The following UGT1A10 variants were observed in gnomAD, a reference collection of about 807,000 sequenced individuals.
The protein encoded by UGT1A10 is UDP glucuronosyltransferase family 1 member A10.
Under a neutral mutation model 45.8 loss-of-function variants are expected in UGT1A10, and 49 were observed. The observed-to-expected ratio is 1.07, with a 90% CI of 0.85 to 1.36. The LOEUF is 1.36. Among genes scored for constraint, UGT1A10 ranks in the 40% most tolerant of loss-of-function variants. UGT1A10 has a pLI of 0.00. For missense variants in UGT1A10, 745 were observed against 668.6 expected (o/e 1.11, Z -1.26); for synonymous variants, 284 against 249.7 (o/e 1.14, Z -1.29).
intron 1 of UGT1A10, among the ~76,000 whole-genome samples, chr2:233,758,456 A>T (rs1329200911): frequency 2.0e-5 from 3 of 152,254 alleles, no homozygotes; most frequent in Non-Finnish European, 4.4e-5. Flanking sequence ...TGGAAGAATT[A>T]TCACCCTTAA....
At chr2:233,647,145 G>A (rs1338859671) in intron 1 of UGT1A10, among the ~76,000 whole-genome samples, 4 of 152,124 alleles carry the variant, frequency 2.6e-5, no homozygotes, top group East Asian at 1.9e-4. Context: ...TTACTACTAT[G>A]AGAACATCAC....
chr2:233,667,171 G>A (rs1439181402), intron 1 of UGT1A10, among the ~76,000 whole-genome samples: 7 of 152,130 alleles, frequency 4.6e-5, no homozygotes, highest in Non-Finnish European at 1.5e-5. Flanking sequence ...ACCCAGTAAT[G>A]GGATGGCTGG....
chr2:233,726,329 A>T (rs1355018721), intron 1 of UGT1A10, among the ~76,000 whole-genome samples: 1 of 152,172 alleles, frequency 6.6e-6, no homozygotes, highest in Non-Finnish European at 1.5e-5. Flanking sequence ...GAGTTTCAGC[A>T]CCTGTGGTTT....
chr2:233,664,423 C>T (rs1052565885), intron 1 of UGT1A10, among the ~76,000 whole-genome samples: 5 of 152,136 alleles, frequency 3.3e-5, no homozygotes, highest in Admixed American at 6.6e-5. Context: ...CCCTTCATTA[C>T]GTTGCCATAA....
At chr2:233,691,213 A>C in intron 1 of UGT1A10, 1 of 985,584 alleles carries the variant, frequency 1.0e-6, no homozygotes, top group Non-Finnish European at 1.2e-6. Context: ...TTCCCTTTGC[A>C]ACCTTCCTGG....
At chr2:233,712,952 A>G (rs1036580894) in intron 1 of UGT1A10, 10 of 1,612,796 alleles carry the variant, frequency 6.2e-6, no homozygotes, top group Non-Finnish European at 7.6e-6. Flanking sequence ...AGGAGGCACA[A>G]CGTGGGGTGG....
chr2:233,652,195 T>C (rs969472538), intron 1 of UGT1A10, among the ~76,000 whole-genome samples: 11 of 152,166 alleles, frequency 7.2e-5, no homozygotes, highest in African/African-American at 2.7e-4. Context: ...TCTGGTTCCA[T>C]TGTGAGATTC....
chr2:233,702,649 G>C (rs2075698422), intron 1 of UGT1A10, among the ~76,000 whole-genome samples: 1 of 152,092 alleles, frequency 6.6e-6, no homozygotes, highest in African/African-American at 2.4e-5. Context: ...TCTATTCCTA[G>C]CTCGTTGAGT....
chr2:233,691,433 A>C, intron 1 of UGT1A10: 2 of 985,600 alleles, frequency 2.0e-6, no homozygotes, highest in Non-Finnish European at 2.4e-6. Context: ...CATGTTGCTC[A>C]GGCTTCTTCT....
intron 1 of UGT1A10, among the ~76,000 whole-genome samples, chr2:233,663,461 G>T (rs2074014060): frequency 6.6e-6 from 1 of 152,120 alleles, no homozygotes; most frequent in African/African-American, 2.4e-5. Context: ...AAGAGCAGAT[G>T]AGCCAGTTTA....
intron 1 of UGT1A10, chr2:233,718,789 T>C (rs745402322): frequency 5.6e-6 from 9 of 1,612,926 alleles, no homozygotes; most frequent in Non-Finnish European, 7.6e-6. Flanking sequence ...CAGCGTGGGG[T>C]GGACAGTCAG....
At chr2:233,714,147 C>T (rs548246419) in intron 1 of UGT1A10, among the ~76,000 whole-genome samples, 18 of 152,186 alleles carry the variant, frequency 1.2e-4, no homozygotes, top group Admixed American at 6.5e-5. Flanking sequence ...GCACCATCTT[C>T]ATGGCTGTGG....
At chr2:233,750,156 T>C (rs953586925) in intron 1 of UGT1A10, among the ~76,000 whole-genome samples, 2 of 151,902 alleles carry the variant, frequency 1.3e-5, no homozygotes, top group Non-Finnish European at 2.9e-5. Flanking sequence ...ACTTGTTGAA[T>C]GGTTTTGACC....
At chr2:233,689,916 G>A (rs1315837449) in intron 1 of UGT1A10, 1 of 456,658 alleles carries the variant, frequency 2.2e-6, no homozygotes, top group Admixed American at 2.3e-5. Flanking sequence ...TAGGTGCCTG[G>A]AATTTCCTTC....
At chr2:233,654,781 C>T (rs1272894513) in intron 1 of UGT1A10, among the ~76,000 whole-genome samples, 1 of 152,118 alleles carries the variant, frequency 6.6e-6, no homozygotes, top group Non-Finnish European at 1.5e-5. Context: ...TCCAGTGGCT[C>T]TATGTGAGTA....
intron 1 of UGT1A10, among the ~76,000 whole-genome samples, chr2:233,749,817 TTCTC>T (rs1694278787): frequency 1.3e-5 from 2 of 151,900 alleles, no homozygotes; most frequent in Non-Finnish European, 2.9e-5. Flanking sequence ...CTCTTCCTCT[TTCTC>T]TCTTTCATGT....
intron 1 of UGT1A10, chr2:233,743,836 C>G (rs62191918): frequency 1.5e-6 from 2 of 1,367,146 alleles, no homozygotes; most frequent in South Asian, 1.1e-5. Flanking sequence ...GCCACTTGAG[C>G]GCCAGCTTGC....
intron 1 of UGT1A10, among the ~76,000 whole-genome samples, chr2:233,689,284 G>A (rs2074934855): frequency 6.6e-6 from 1 of 152,118 alleles, no homozygotes; most frequent in African/African-American, 2.4e-5. Context: ...AACTAAACTG[G>A]GGTTCACTCA....
At chr2:233,671,685 C>T (rs1009545370) in intron 1 of UGT1A10, among the ~76,000 whole-genome samples, 4 of 152,222 alleles carry the variant, frequency 2.6e-5, no homozygotes, top group Admixed American at 2.6e-4. Context: ...CAGCACAGGG[C>T]ATGTTCTGCC....
Sources: gnomAD v4.1 joint callset for allele counts (sites outside exome capture counted in the v4.1 genomes callset) on GRCh38, gnomAD v4.1.1 for gene constraint, MANE v1.5 for transcripts, NCBI Gene and HGNC (gene_info 2026-07-23, HGNC 2026-07-21) for gene names.